CACNB2: variants seen among roughly 807,000 people sequenced by gnomAD.
CACNB2 encodes calcium voltage-gated channel auxiliary subunit beta 2, also known as voltage-dependent L-type calcium channel subunit beta-2.
Under a neutral mutation model 73.3 loss-of-function variants are expected in CACNB2, and 42 were observed. That is an observed-to-expected ratio of 0.57 (90% CI 0.45 to 0.74). The LOEUF (loss-of-function observed/expected upper bound fraction) is 0.74, where lower values mean the gene tolerates loss of function less well. Among genes scored for constraint, CACNB2 ranks in the 30% least tolerant of loss-of-function variants. CACNB2 has a pLI of 0.00. For synonymous variants in CACNB2, 348 were observed against 310.3 expected, an observed-to-expected ratio of 1.12 and a Z score of -1.28; for missense variants, 940 against 853.0, an observed-to-expected ratio of 1.10 and a Z score of -1.27.
intron 2 of CACNB2, among the ~76,000 whole-genome samples, chr10:18,315,978 T>A (rs2040168366): frequency 6.6e-6 from 1 of 152,068 alleles, no homozygotes; most frequent in Non-Finnish European, 1.5e-5. Flanking sequence ...GAGTTTTGAG[T>A]ATTGTCTTTG....
chr10:18,230,866 A>C (rs2036199322), intron 2 of CACNB2, among the ~76,000 whole-genome samples: 1 of 149,906 alleles, frequency 6.7e-6, no homozygotes, highest in South Asian at 2.1e-4. Context: ...GGTAGCTTCT[A>C]GTTAATACTT....
intron 2 of CACNB2, among the ~76,000 whole-genome samples, chr10:18,283,170 A>G (rs2038628049): frequency 1.3e-5 from 2 of 152,210 alleles, no homozygotes; most frequent in Admixed American, 1.3e-4. Context: ...TCAGGAAACA[A>G]CAGGTGCTAG....
chr10:18,159,589 T>C (rs1286870268), intron 2 of CACNB2, among the ~76,000 whole-genome samples: 1 of 152,206 alleles, frequency 6.6e-6, no homozygotes, highest in Non-Finnish European at 1.5e-5. Flanking sequence ...CTAAACAAAT[T>C]CCGTCGTCTC....
In CACNB2 at chr10:18,496,129, T is replaced by C. The variant is rs529678800; in HGVS notation, c.334-2226T>C. 2.7e-4 allele frequency among the ~76,000 whole-genome samples: 37 copies of C among 138,380 alleles called. No individual in the cohort carries two copies. In the East Asian group the frequency reaches 7.9e-3, roughly 29 times the overall value. 90.8% of individuals were successfully genotyped at this position (138,380 alleles called of 152,430 possible). A position where few individuals can be genotyped will look rare whatever the true frequency, so the allele number is the denominator to read the frequency against. On this transcript the variant is annotated intron_variant, in intron 3 of 13. Transcript: ENST00000324631. The stretch of plus-strand genomic sequence containing the variant: ...TGAACCTGGAAGGCAGAGGTTGCAG[T>C]GAGCTGGGATCGTGCCACTGCACTC...
At chr10:18,275,882 A>G (rs1023996796) in intron 2 of CACNB2, among the ~76,000 whole-genome samples, 8 of 152,208 alleles carry the variant, frequency 5.3e-5, no homozygotes, top group African/African-American at 1.7e-4. Flanking sequence ...GGACTTTACT[A>G]TCAGTTGTTA....
intron 3 of CACNB2, among the ~76,000 whole-genome samples, chr10:18,484,397 GA>G (rs57334163): frequency 0.94 from 137,645 of 146,794 alleles, 64,571 homozygotes; most frequent in Middle Eastern, 0.98. Flanking sequence ...CTGTCTCAAA[GA>G]AAAAAAAAAA....
chr10:18,220,224 T>TGGG (rs2035710290), intron 2 of CACNB2, among the ~76,000 whole-genome samples: 4 of 48,030 alleles, frequency 8.3e-5, no homozygotes, highest in East Asian at 8.6e-4. Context: ...TATATATATA[T>TGGG]ATATATATAG....
intron 2 of CACNB2, among the ~76,000 whole-genome samples, chr10:18,222,407 TACAC>T (rs59165053): frequency 4.6e-4 from 69 of 149,904 alleles, no homozygotes; most frequent in African/African-American, 1.5e-3. Flanking sequence ...CACACACACA[TACAC>T]ACACACACAC....
At chr10:18,438,002 ATTTTTTTTT>A (rs56671616) in intron 3 of CACNB2, among the ~76,000 whole-genome samples, 3 of 41,746 alleles carry the variant, frequency 7.2e-5, no homozygotes, top group African/African-American at 1.0e-4. Flanking sequence ...GCCCAGTTGG[ATTTTTTTTT>A]TTTTTTTTTT....
At chr10:18,202,470 G>A (rs187708839) in intron 2 of CACNB2, among the ~76,000 whole-genome samples, 36 of 152,104 alleles carry the variant, frequency 2.4e-4, no homozygotes, top group Admixed American at 4.6e-4. Flanking sequence ...AAATATCCTC[G>A]GTGTAAGTAT....
At chr10:18,144,226 C>T (rs770022729) in intron 1 of CACNB2, among the ~76,000 whole-genome samples, 13 of 152,130 alleles carry the variant, frequency 8.5e-5, no homozygotes, top group Non-Finnish European at 1.6e-4. Flanking sequence ...TACAGGCGCC[C>T]GCCACCATGC....
chr10:18,286,687 T>G (rs893903212), intron 2 of CACNB2, among the ~76,000 whole-genome samples: 1 of 152,178 alleles, frequency 6.6e-6, no homozygotes, highest in Non-Finnish European at 1.5e-5. Context: ...TGTATATAAT[T>G]AGCTGGAAGA....
intron 1 of CACNB2, among the ~76,000 whole-genome samples, chr10:18,150,395 G>A (rs114435241): frequency 0.07 from 10,644 of 152,210 alleles, 384 homozygotes; most frequent in African/African-American, 0.088. Flanking sequence ...CGGGTGCAAC[G>A]GCTCATGCCT....
At chr10:18,381,457 G>T (rs142976609) in intron 2 of CACNB2, among the ~76,000 whole-genome samples, 1 of 152,064 alleles carries the variant, frequency 6.6e-6, no homozygotes, top group African/African-American at 2.4e-5. Flanking sequence ...TTGGGAGGCT[G>T]AGGCGGGTGG....
At chr10:18,482,988 T>C (rs2048865450) in intron 3 of CACNB2, among the ~76,000 whole-genome samples, 1 of 152,196 alleles carries the variant, frequency 6.6e-6, no homozygotes, top group African/African-American at 2.4e-5. Context: ...CCGTGTCTGC[T>C]CTTTGGACCT....
chr10:18,188,189 C>G (rs762856649), intron 2 of CACNB2, among the ~76,000 whole-genome samples: 1 of 151,918 alleles, frequency 6.6e-6, no homozygotes, highest in Non-Finnish European at 1.5e-5. Flanking sequence ...GCTTGCTTAT[C>G]TCCTTCCTTC....
chr10:18,454,531 C>T (rs148368185), intron 3 of CACNB2, among the ~76,000 whole-genome samples: 3 of 152,164 alleles, frequency 2.0e-5, no homozygotes, highest in African/African-American at 7.2e-5. Flanking sequence ...TAAGAACAAA[C>T]GTTTGCCCCC....
chr10:18,336,846 C>G (rs554224848), intron 2 of CACNB2, among the ~76,000 whole-genome samples: 1 of 152,096 alleles, frequency 6.6e-6, no homozygotes, highest in Non-Finnish European at 1.5e-5. Flanking sequence ...ATTAGATAAT[C>G]CTTGGTTGCG....
intron 2 of CACNB2, among the ~76,000 whole-genome samples, chr10:18,353,403 C>G (rs1304680688): frequency 8.0e-6 from 1 of 124,958 alleles, no homozygotes; most frequent in Admixed American, 8.6e-5. Flanking sequence ...GAGCAAGACT[C>G]TGTCTCCAAA....
Sources: gnomAD v4.1 joint callset for allele counts (sites outside exome capture counted in the v4.1 genomes callset) on GRCh38, gnomAD v4.1.1 for gene constraint, MANE v1.5 for transcripts, NCBI Gene and HGNC (gene_info 2026-07-23, HGNC 2026-07-21) for gene names.